The following GRID2 variants were observed in gnomAD, a reference collection of about 807,000 sequenced individuals.
GRID2 encodes the protein glutamate receptor ionotropic, delta-2.
GRID2 carries 33 observed loss-of-function variants against 114.8 expected under a neutral mutation model. The ratio of observed to expected loss-of-function variants is 0.29; its 90% CI spans 0.22 to 0.38. GRID2 has a LOEUF of 0.38. Among genes scored for constraint, GRID2 ranks in the 10% least tolerant of loss-of-function variants. GRID2 has a pLI of 1.00. For missense variants in GRID2, 1,184 were observed against 1,257.7 expected, an observed-to-expected ratio of 0.94 and a Z score of 0.89; for synonymous variants, 505 against 449.9, an observed-to-expected ratio of 1.12 and a Z score of -1.55.
chr4:92,416,194 G>A (rs1319273665), intron 1 of GRID2, among the ~76,000 whole-genome samples: 1 of 151,950 alleles, frequency 6.6e-6, no homozygotes, highest in Non-Finnish European at 1.5e-5. Context: ...TTGGCTATTT[G>A]TATATCTTCT....
chr4:93,383,464 C>T (rs976182283), intron 8 of GRID2, among the ~76,000 whole-genome samples: 2 of 152,166 alleles, frequency 1.3e-5, no homozygotes, highest in Non-Finnish European at 2.9e-5. Context: ...TCCTTATAAG[C>T]TTTCCACTGG....
intron 14 of GRID2, among the ~76,000 whole-genome samples, chr4:93,746,655 G>C (rs1365701399): frequency 3.9e-5 from 6 of 152,036 alleles, no homozygotes; most frequent in East Asian, 1.9e-4. Context: ...AAGCATTTTG[G>C]TAGTCGTATT....
At chr4:93,764,939 A>G (rs999209960) in intron 14 of GRID2, among the ~76,000 whole-genome samples, 3 of 152,030 alleles carry the variant, frequency 2.0e-5, no homozygotes, top group South Asian at 2.1e-4. Flanking sequence ...ACATACGCGC[A>G]CACACACACA....
At chr4:92,427,782 A>C (rs1207617520) in intron 1 of GRID2, among the ~76,000 whole-genome samples, 1 of 151,930 alleles carries the variant, frequency 6.6e-6, no homozygotes, top group East Asian at 1.9e-4. Flanking sequence ...TATTGTAAAT[A>C]AGTTTTATAG....
At chr4:92,735,296 T>C (rs1736537957) in intron 2 of GRID2, among the ~76,000 whole-genome samples, 1 of 152,154 alleles carries the variant, frequency 6.6e-6, no homozygotes, top group Non-Finnish European at 1.5e-5. Context: ...ACATTATATT[T>C]TTCTTATACA....
chr4:92,365,280 A>T (rs1426791391), intron 1 of GRID2, among the ~76,000 whole-genome samples: 1 of 152,112 alleles, frequency 6.6e-6, no homozygotes, highest in African/African-American at 2.4e-5. Context: ...ACATATACAT[A>T]GTGAAATATC....
At chr4:93,765,065 CTT>C (rs1193531904) in intron 14 of GRID2, among the ~76,000 whole-genome samples, 3 of 152,124 alleles carry the variant, frequency 2.0e-5, no homozygotes, top group African/African-American at 7.2e-5. Context: ...GAACATATCT[CTT>C]TGCTTATTAT....
intron 2 of GRID2, among the ~76,000 whole-genome samples, chr4:92,888,253 C>T (rs1746510696): frequency 6.6e-6 from 1 of 152,012 alleles, no homozygotes; most frequent in Non-Finnish European, 1.5e-5. Flanking sequence ...AATAAATGTA[C>T]TTATTAGAAA....
intron 15 of GRID2, among the ~76,000 whole-genome samples, chr4:93,771,721 G>A (rs1351845697): frequency 6.6e-6 from 1 of 152,096 alleles, no homozygotes; most frequent in Non-Finnish European, 1.5e-5. Flanking sequence ...GAAGAGGTGG[G>A]GGGTAGAGTT....
At chr4:93,440,870 C>A (rs544025280) in intron 10 of GRID2, among the ~76,000 whole-genome samples, 1 of 152,066 alleles carries the variant, frequency 6.6e-6, no homozygotes, top group South Asian at 2.1e-4. Context: ...AAGTACTTGG[C>A]CTAATAGATG....
rs529038590 is a variant in GRID2, at chr4:92,896,468, C to G, written c.245-188527C>G. On this transcript the variant is annotated intron_variant, in intron 2 of 15. Transcript: ENST00000282020. ...TTGGCCCTTATTCAAATAATTTTCA[C>G]TAGTGCAGGAATTCTGGTAACCTGA... Among the ~76,000 whole-genome samples, 121 of 151,974 alleles carry G rather than the reference C, an allele frequency of 8.0e-4. 1 individual carries two copies. The highest frequency in any genetic ancestry group is 2.7e-3 in the African/African-American group (114 of 41,480).
chr4:93,207,138 A>AT (rs982745851), intron 4 of GRID2, among the ~76,000 whole-genome samples: 1 of 151,898 alleles, frequency 6.6e-6, no homozygotes, highest in African/African-American at 2.4e-5. Flanking sequence ...TTATTTATGT[A>AT]TTTTTTTCTG....
intron 4 of GRID2, among the ~76,000 whole-genome samples, chr4:93,127,611 T>C (rs911472204): frequency 6.6e-6 from 1 of 152,152 alleles, no homozygotes; most frequent in African/African-American, 2.4e-5. Context: ...TTTAGCCTCA[T>C]TTTACAGCTG....
intron 2 of GRID2, among the ~76,000 whole-genome samples, chr4:93,022,767 T>C (rs960682727): frequency 6.6e-6 from 1 of 152,020 alleles, no homozygotes; most frequent in Non-Finnish European, 1.5e-5. Flanking sequence ...AGTATTATGC[T>C]CATTTTTTCT....
At chr4:92,539,698 A>G (rs1181012426) in intron 1 of GRID2, among the ~76,000 whole-genome samples, 1 of 152,222 alleles carries the variant, frequency 6.6e-6, no homozygotes, top group Non-Finnish European at 1.5e-5. Flanking sequence ...ATGCATTAGA[A>G]AAGCAGTTCT....
chr4:92,658,661 G>A (rs1054191037), intron 2 of GRID2, among the ~76,000 whole-genome samples: 3 of 151,402 alleles, frequency 2.0e-5, no homozygotes, highest in Non-Finnish European at 4.4e-5. Context: ...GAAGCAAAAG[G>A]AACTGAAGCA....
chr4:93,534,226 T>C (rs1443632796), intron 13 of GRID2, among the ~76,000 whole-genome samples: 1 of 152,212 alleles, frequency 6.6e-6, no homozygotes, highest in Admixed American at 6.6e-5. Context: ...TTTTATTCTG[T>C]TTCCATAGCA....
chr4:93,240,502 AT>A lies in GRID2; in HGVS notation c.1245+2013del, dbSNP rs575258231. ...ATAATTGATTTTAGAAGTTATGTAT[AT>A]ATTCTGAATTTTAGTGTTTTATCAT... On this transcript the variant is annotated intron_variant, in intron 8 of 15. Coordinates refer to ENST00000282020, the MANE Select transcript of GRID2 (RefSeq NM_001510.4). 1.7e-4 allele frequency among the ~76,000 whole-genome samples: 25 copies of A among 149,926 alleles called. No homozygotes were observed. The South Asian group carries it at 5.1e-3, about 31-fold the overall frequency.
intron 2 of GRID2, among the ~76,000 whole-genome samples, chr4:92,614,401 T>C (rs984429830): frequency 6.6e-6 from 1 of 151,720 alleles, no homozygotes; most frequent in Non-Finnish European, 1.5e-5. Flanking sequence ...ACCTGATTGC[T>C]ATAAATGTAA....
Sources: allele counts gnomAD v4.1 joint callset (sites outside exome capture counted in the v4.1 genomes callset), GRCh38; gene constraint gnomAD v4.1.1; transcripts MANE v1.5; gene names NCBI Gene and HGNC (gene_info 2026-07-23, HGNC 2026-07-21).